Variants in ABTB2 observed in about 807,000 individuals in gnomAD.
ABTB2 encodes the protein ankyrin repeat and BTB/POZ domain-containing protein 2.
ABTB2 carries 56 observed loss-of-function variants against 104.1 expected under a neutral mutation model. The observed-to-expected ratio is 0.54, with a 90% CI of 0.43 to 0.67. The LOEUF (loss-of-function observed/expected upper bound fraction) is 0.67. Ranked by LOEUF, ABTB2 falls within the 30% of genes least tolerant of loss-of-function variation. ABTB2 has a pLI of 0.00. For synonymous variants in ABTB2, 606 were observed against 608.2 expected (o/e 1.00, Z 0.05); for missense variants, 1,279 against 1,407.7 (o/e 0.91, Z 1.46).
intron 1 of ABTB2, among the ~76,000 whole-genome samples, chr11:34,354,503 G>C (rs535190744): frequency 6.8e-6 from 1 of 146,048 alleles, no homozygotes; most frequent in Non-Finnish European, 1.5e-5. Context: ...GGGTGGGGGT[G>C]GGGGGGTAGG....
At chr11:34,246,601 CAAAAAAA>C (rs60681759) in intron 1 of ABTB2, among the ~76,000 whole-genome samples, 5 of 34,770 alleles carry the variant, frequency 1.4e-4, no homozygotes, top group Non-Finnish European at 2.4e-4. Flanking sequence ...AACTCCATCT[CAAAAAAA>C]AAAAAAAAAA....
At chr11:34,159,054 G>A (rs949090830) in intron 14 of ABTB2, among the ~76,000 whole-genome samples, 1 of 152,220 alleles carries the variant, frequency 6.6e-6, no homozygotes, top group Non-Finnish European at 1.5e-5. Context: ...TCTGCAGGCT[G>A]CCCAGACCAC....
chr11:34,182,152 A>G (rs1476421910), intron 3 of ABTB2, among the ~76,000 whole-genome samples: 2 of 152,354 alleles, frequency 1.3e-5, no homozygotes, highest in South Asian at 2.1e-4. Flanking sequence ...GGCCCTCACC[A>G]TAGCTTCCCT....
intron 1 of ABTB2, among the ~76,000 whole-genome samples, chr11:34,230,817 A>G (rs368324839): frequency 2.6e-5 from 4 of 152,292 alleles, no homozygotes; most frequent in South Asian, 4.1e-4. Flanking sequence ...TTCAAAAGGA[A>G]TGTCCCAGAC....
intron 1 of ABTB2, among the ~76,000 whole-genome samples, chr11:34,322,619 A>G (rs1273261363): frequency 6.6e-6 from 1 of 151,966 alleles, no homozygotes; most frequent in African/African-American, 2.4e-5. Flanking sequence ...ATAAGAGAAA[A>G]AGAATAAATT....
chr11:34,152,690 C>T, intron 16 of ABTB2, 106 bp from the exon 17 acceptor site: 2 of 1,150,488 alleles, frequency 1.7e-6, no homozygotes, highest in Non-Finnish European at 1.2e-6. Context: ...GATTAAGCCC[C>T]ACTCTGGCCA....
At chr11:34,237,832 A>G (rs1853864954) in intron 1 of ABTB2, among the ~76,000 whole-genome samples, 1 of 152,192 alleles carries the variant, frequency 6.6e-6, no homozygotes, top group African/African-American at 2.4e-5. Context: ...TGGGAAGTGG[A>G]AGTTGCAGTG....
chr11:34,275,204 C>A (rs1263752053), intron 1 of ABTB2, among the ~76,000 whole-genome samples: 1 of 152,234 alleles, frequency 6.6e-6, no homozygotes, highest in East Asian at 1.9e-4. Flanking sequence ...GGATCCATGA[C>A]AGCATTCCTT....
rs1309853303 is a variant in ABTB2, at chr11:34,271,129, G to C, written c.884-66439C>G. Among the ~76,000 whole-genome samples, 5 of 152,324 alleles carry C rather than the reference G, an allele frequency of 3.3e-5. No homozygotes were observed. In the East Asian group the frequency reaches 9.6e-4, roughly 29 times the overall value. ...GGAAGTGCAGGAAGCTCGGCTTTTAGAAGTAGATGATGAACACTGAATTAT... is the reference window on the plus strand; with the variant it reads ...GGAAGTGCAGGAAGCTCGGCTTTTACAAGTAGATGATGAACACTGAATTAT... On this transcript the variant is annotated intron_variant, in intron 1 of 16. Coordinates refer to ENST00000435224, the MANE Select transcript of ABTB2 (RefSeq NM_145804.3).
At chr11:34,300,342 G>T (rs1221957931) in intron 1 of ABTB2, among the ~76,000 whole-genome samples, 2 of 152,136 alleles carry the variant, frequency 1.3e-5, no homozygotes, top group Non-Finnish European at 2.9e-5. Flanking sequence ...TCACATTTTA[G>T]AATTCAATTA....
intron 1 of ABTB2, among the ~76,000 whole-genome samples, chr11:34,253,677 A>G (rs1185143495): frequency 1.3e-5 from 1 of 74,774 alleles, no homozygotes; most frequent in Admixed American, 1.1e-4. Context: ...TTCCGTCTCA[A>G]AAAAAAAAAA....
rs547793463 is a variant in ABTB2, at chr11:34,299,996, C to T, written c.883+56705G>A. Among the ~76,000 whole-genome samples the T allele has an allele frequency of 4.9e-4, 75 of 152,180 alleles. 1 individual carries two copies. The highest frequency in any genetic ancestry group is 8.4e-4 in the Non-Finnish European group (57 of 68,044). ...AATGAGTCAAGAATAAAGTAGTTAG[C>T]ACAGTGCCTGGCACAGAGTCAGAGC... On this transcript the variant is annotated intron_variant, in intron 1 of 16. Coordinates refer to ENST00000435224, the MANE Select transcript of ABTB2 (RefSeq NM_145804.3).
chr11:34,299,781 A>G (rs1854677106), intron 1 of ABTB2, among the ~76,000 whole-genome samples: 2 of 152,234 alleles, frequency 1.3e-5, no homozygotes, highest in South Asian at 2.1e-4. Flanking sequence ...ATTAGAAATA[A>G]GAGGGCTACA....
intron 1 of ABTB2, among the ~76,000 whole-genome samples, chr11:34,207,827 T>C (rs1450753182): frequency 1.3e-5 from 2 of 152,244 alleles, no homozygotes; most frequent in Non-Finnish European, 2.9e-5. Context: ...AGGCAGCGCC[T>C]AGGATATTGG....
At chr11:34,179,926 A>T (rs1303147460) in intron 3 of ABTB2, among the ~76,000 whole-genome samples, 2 of 152,198 alleles carry the variant, frequency 1.3e-5, no homozygotes, top group African/African-American at 4.8e-5. Context: ...GGTTATAAAT[A>T]ATAGGACCAC....
At chr11:34,340,056 C>G (rs1334716009) in intron 1 of ABTB2, among the ~76,000 whole-genome samples, 1 of 151,258 alleles carries the variant, frequency 6.6e-6, no homozygotes, top group Non-Finnish European at 1.5e-5. Context: ...AACAAACAAA[C>G]AAACAAACAA....
chr11:34,244,343 G>A (rs1277358563), intron 1 of ABTB2, among the ~76,000 whole-genome samples: 2 of 152,192 alleles, frequency 1.3e-5, no homozygotes, highest in South Asian at 2.1e-4. Context: ...CAGGCTGACC[G>A]ATAGTGGGAA....
rs915749034 is a variant in ABTB2, at chr11:34,167,206, C to T, written c.1755+53G>A. 17 of 1,510,170 alleles carry T rather than the reference C, an allele frequency of 1.1e-5. No individual in the cohort carries two copies. In the Admixed American group the frequency reaches 3.1e-4, roughly 27 times the overall value. The allele number at this position is 1,510,170 out of a possible 1,614,324, so 93.5% of individuals were successfully genotyped here. A position where few individuals can be genotyped will look rare whatever the true frequency, so the allele number is the denominator to read the frequency against. On this transcript the variant is annotated intron_variant, in intron 7 of 16. Transcript: ENST00000435224. Reference sequence around the variant, plus strand: ...GCTGAGGCTGGGGCTGTGCTTGGGGCCCAGGTCACCTGGTAAGCTGGGGGG... The same window carrying T: ...GCTGAGGCTGGGGCTGTGCTTGGGGTCCAGGTCACCTGGTAAGCTGGGGGG...
intron 1 of ABTB2, among the ~76,000 whole-genome samples, chr11:34,239,523 G>T (rs1208256945): frequency 6.6e-6 from 1 of 151,938 alleles, no homozygotes; most frequent in Non-Finnish European, 1.5e-5. Flanking sequence ...TAGAGGTGAG[G>T]TCTCACTATG....
Sources: allele counts gnomAD v4.1 joint callset (sites outside exome capture counted in the v4.1 genomes callset), GRCh38; gene constraint gnomAD v4.1.1; transcripts MANE v1.5; gene names NCBI Gene and HGNC (gene_info 2026-07-23, HGNC 2026-07-21).